The following SPAM1 variants were observed in gnomAD, a reference collection of about 807,000 sequenced individuals.
SPAM1 encodes sperm adhesion molecule 1.
In SPAM1, 22 loss-of-function variants were observed where a neutral mutation model predicts 29.6. That is an observed-to-expected ratio of 0.74 (90% CI 0.53 to 1.06). The LOEUF (loss-of-function observed/expected upper bound fraction) is 1.06. SPAM1 is among the 50% of genes least tolerant of loss of function. The pLI is 0.00. For missense variants in SPAM1, 534 were observed against 604.0 expected, an observed-to-expected ratio of 0.88 and a Z score of 1.21; for synonymous variants, 194 against 204.6, an observed-to-expected ratio of 0.95 and a Z score of 0.44.
At chr7:123,951,127 C>T (rs1267553872) in intron 2 of SPAM1, among the ~76,000 whole-genome samples, 1 of 151,940 alleles carries the variant, frequency 6.6e-6, no homozygotes, top group Admixed American at 6.6e-5. Context: ...TCTTCAATTT[C>T]GTTTGAGTTC....
intron 3 of SPAM1, 26 bp from the exon 4 acceptor site, chr7:123,954,970 GC>G (rs777981668): frequency 1.3e-6 from 2 of 1,528,744 alleles, no homozygotes; most frequent in Non-Finnish European, 1.8e-6. Flanking sequence ...ATTTTTATCT[GC>G]TAACTCTTTC....
Position 123,937,457 on chromosome 7 carries a change from C to T in SPAM1, c.-319+12105C>T, listed in dbSNP as rs556726756. Among the ~76,000 whole-genome samples the T allele has an allele frequency of 1.6e-3, 237 of 151,898 alleles. 1 individual carries two copies. The highest frequency in any genetic ancestry group is 2.5e-3 in the Non-Finnish European group (168 of 67,960). The stretch of plus-strand genomic sequence containing the variant: ...TCTACTAAAAATACAAAAAATTAGC[C>T]GGGCATGGTGGCGGGCGCCTGTAGT... On this transcript the variant is annotated intron_variant, in intron 1 of 4. Transcript: ENST00000682466.
At chr7:123,958,864 G>A (rs533310596) in intron 4 of SPAM1, among the ~76,000 whole-genome samples, 1 of 151,932 alleles carries the variant, frequency 6.6e-6, no homozygotes, top group South Asian at 2.1e-4. Flanking sequence ...GACAAATGTG[G>A]TGCTTCTTAC....
At chr7:123,929,560 G>T (rs1234327542) in intron 1 of SPAM1, among the ~76,000 whole-genome samples, 1 of 152,064 alleles carries the variant, frequency 6.6e-6, no homozygotes, top group Non-Finnish European at 1.5e-5. Flanking sequence ...GTGGGGTGGG[G>T]TGTAAAAGGG....
At chr7:123,937,987 G>A (rs1024763272) in intron 1 of SPAM1, among the ~76,000 whole-genome samples, 1 of 152,086 alleles carries the variant, frequency 6.6e-6, no homozygotes, top group Non-Finnish European at 1.5e-5. Context: ...TTCAAATCTT[G>A]TACCATATCA....
chr7:123,947,291 G>A (rs932516152), intron 1 of SPAM1, among the ~76,000 whole-genome samples: 1 of 152,108 alleles, frequency 6.6e-6, no homozygotes, highest in East Asian at 1.9e-4. Flanking sequence ...GCTCAAGCCT[G>A]TAATCCCAGC....
At chr7:123,925,684 C>T (rs534211585) in intron 1 of SPAM1, among the ~76,000 whole-genome samples, 10 of 150,122 alleles carry the variant, frequency 6.7e-5, no homozygotes, top group South Asian at 6.3e-4. Flanking sequence ...TTTAGTGAGC[C>T]GAGATCATGC....
At chr7:123,957,502 A>T (rs1792273804) in intron 4 of SPAM1, among the ~76,000 whole-genome samples, 1 of 152,058 alleles carries the variant, frequency 6.6e-6, no homozygotes, top group Admixed American at 6.6e-5. Flanking sequence ...GTTGAATTTC[A>T]TTCAAAACAC....
At position 123,953,522 on chromosome 7, in the gene SPAM1, C is replaced by A. The variant is rs1407238491; in HGVS notation, c.-49C>A. 2 of 1,278,290 alleles carry A rather than the reference C, an allele frequency of 1.6e-6. No individual in the cohort carries two copies. The highest frequency in any genetic ancestry group is 1.5e-5 in the South Asian group (1 of 67,448). 79.2% of individuals were successfully genotyped at this position (1,278,290 alleles called of 1,614,324 possible). On this transcript the variant is annotated 5_prime_UTR_variant, in exon 3 of 5. Transcript: ENST00000682466. ...ACTTTGCATCAGATATTGGGTAAAC[C>A]AAAGTGTGTAGGAAGAAATAAATGT...
Position 123,954,238 on chromosome 7 carries a change from A to C in SPAM1, c.668A>C (p.Asp223Ala). 4 of 1,613,462 alleles carry C rather than the reference A, an allele frequency of 2.5e-6. No individual in the cohort carries two copies. Among genetic ancestry groups the C allele is most frequent in the Non-Finnish European group, 3.4e-6 (4 of 1,179,714 alleles). The change falls in exon 3 of 5, where the codon GAT becomes GCT. Residue 223 changes from aspartate (D) to alanine (A), a missense_variant. Asp to Ala is a moderately radical substitution (Grantham distance 126). Transcript: ENST00000682466. Reference sequence around the variant, plus strand: ...TTGTGGGGTTATTATCTTTTTCCGGATTGTTACAACCATCACTATAAGAAA... The same window carrying C: ...TTGTGGGGTTATTATCTTTTTCCGGCTTGTTACAACCATCACTATAAGAAA... ...NHLWGYYLFP[D>A]CYNHHYKKPG...
At chr7:123,934,371 G>A (rs1254107289) in intron 1 of SPAM1, among the ~76,000 whole-genome samples, 2 of 152,092 alleles carry the variant, frequency 1.3e-5, no homozygotes, top group African/African-American at 4.8e-5. Context: ...GGAGAAAAGA[G>A]AACTCACACC....
chr7:123,954,900 A>T, intron 3 of SPAM1, 97 bp from the exon 4 acceptor site: 1 of 758,330 alleles, frequency 1.3e-6, no homozygotes. Context: ...TAAAATTATT[A>T]TTATTGGGTC....
At chr7:123,971,362 A>G (rs1792496716) in exon 7 of SPAM1, 1 of 152,174 alleles carries the variant, frequency 6.6e-6, no homozygotes, top group Non-Finnish European at 1.5e-5. Flanking sequence ...GGAAGACAAA[A>G]GAAATCCATA....
chr7:123,927,935 A>C (rs569770444), intron 1 of SPAM1, among the ~76,000 whole-genome samples: 1 of 152,212 alleles, frequency 6.6e-6, no homozygotes, highest in Non-Finnish European at 1.5e-5. Flanking sequence ...GTTAATTACT[A>C]TAAACCAGAC....
chr7:123,931,558 A>G (rs937870129), intron 1 of SPAM1, among the ~76,000 whole-genome samples: 8 of 152,196 alleles, frequency 5.3e-5, no homozygotes, highest in Non-Finnish European at 1.5e-5. Context: ...TCATATTTCC[A>G]TATGGCTCTT....
In SPAM1 at chr7:123,953,883, A is replaced by G. The variant is rs1175501903; in HGVS notation, c.313A>G (p.Ile105Val). 1 of 1,613,548 alleles carries G rather than the reference A, an allele frequency of 6.2e-7. No homozygotes were observed. Among genetic ancestry groups the G allele is most frequent in the Non-Finnish European group, 8.5e-7 (1 of 1,179,734 alleles). Residue 105 changes from isoleucine (I) to valine (V), a missense_variant, in exon 3 of 5, where the codon ATC becomes GTC. Physicochemically the swap from Ile to Val is conservative, Grantham distance 29. Coordinates refer to ENST00000682466, the MANE Select transcript of SPAM1 (RefSeq NM_153189.3). ...RLGYYPYIDS[I>V]TGVTVNGGIP... is the part of the protein sequence containing the mutation. ...TGGCTACTATCCTTACATAGATTCA[A>G]TCACAGGAGTAACTGTGAATGGAGG... is the stretch of plus-strand genomic sequence containing the variant.
At chr7:123,929,869 T>C (rs963885568) in intron 1 of SPAM1, among the ~76,000 whole-genome samples, 1 of 151,172 alleles carries the variant, frequency 6.6e-6, no homozygotes, top group Non-Finnish European at 1.5e-5. Flanking sequence ...AAAAAGAATT[T>C]AAAGAAGGAA....
At chr7:123,958,059 C>G (rs958665717) in intron 4 of SPAM1, among the ~76,000 whole-genome samples, 1 of 151,976 alleles carries the variant, frequency 6.6e-6, no homozygotes, top group East Asian at 1.9e-4. Context: ...TCTTTTGTCA[C>G]ATAAGTTCAC....
At chr7:123,971,012 GA>G (rs112450480) in exon 7 of SPAM1, 1 of 151,908 alleles carries the variant, frequency 6.6e-6, no homozygotes, top group Non-Finnish European at 1.5e-5. Context: ...TTTAGGAAAT[GA>G]AAAAACCATG....
Sources: allele counts gnomAD v4.1 joint callset (sites outside exome capture counted in the v4.1 genomes callset), GRCh38; gene constraint gnomAD v4.1.1; transcripts MANE v1.5; gene names NCBI Gene and HGNC (gene_info 2026-07-23, HGNC 2026-07-21).